TNRC6B: variants seen among roughly 807,000 people sequenced by gnomAD.
The protein encoded by TNRC6B is trinucleotide repeat containing adaptor 6B.
A neutral mutation model predicts 203.6 loss-of-function variants in TNRC6B; 52 were observed. The ratio of observed to expected loss-of-function variants is 0.26; its 90% CI spans 0.20 to 0.32. The LOEUF (loss-of-function observed/expected upper bound fraction) is 0.32, where lower values mean the gene tolerates loss of function less well. TNRC6B is among the 10% of genes least tolerant of loss of function. The pLI is 1.00. For synonymous variants in TNRC6B, 838 were observed against 845.7 expected (o/e 0.99, Z 0.16); for missense variants, 1,923 against 2,286.2 (o/e 0.84, Z 3.24).
chr22:40,320,484 C>A (rs4470425), intron 21 of TNRC6B, among the ~76,000 whole-genome samples: 42,906 of 151,998 alleles, frequency 0.28, 6,954 homozygotes, highest in South Asian at 0.44. Context: ...TGTCTCAAAA[C>A]TAAATAAGTA....
intron 12 of TNRC6B, 111 bp from the exon 13 acceptor site, chr22:40,300,344 T>G (rs1324811063): frequency 2.8e-6 from 3 of 1,063,676 alleles, no homozygotes; most frequent in Non-Finnish European, 1.3e-6. Context: ...CAGAAAAGTT[T>G]GACAACTCTT....
chr22:40,212,536 A>G (rs2069578964), intron 1 of TNRC6B, among the ~76,000 whole-genome samples: 2 of 152,094 alleles, frequency 1.3e-5, no homozygotes, highest in African/African-American at 2.4e-5. Context: ...TAAGGTTGTG[A>G]TCTCTTGTGT....
intron 9 of TNRC6B, 133 bp downstream of exon 9, chr22:40,278,177 C>A: frequency 1.4e-6 from 1 of 698,930 alleles, no homozygotes; most frequent in Non-Finnish European, 2.5e-6. Flanking sequence ...TTGTAAGGTA[C>A]TGTGCTAGAC....
At chr22:40,091,283 C>T (rs1446740720) in intron 1 of TNRC6B, among the ~76,000 whole-genome samples, 2 of 152,122 alleles carry the variant, frequency 1.3e-5, no homozygotes, top group Admixed American at 1.3e-4. Context: ...TTGGATACCA[C>T]TTGCTAACAC....
intron 1 of TNRC6B, among the ~76,000 whole-genome samples, chr22:40,230,603 G>A (rs2069856511): frequency 6.6e-6 from 1 of 151,912 alleles, no homozygotes; most frequent in South Asian, 2.1e-4. Flanking sequence ...CTTTTGCCCG[G>A]TTTTAAGATG....
chr22:40,300,808 T>C (rs985191874), intron 13 of TNRC6B, 102 bp from the exon 14 acceptor site: 9 of 1,277,632 alleles, frequency 7.0e-6, no homozygotes, highest in African/African-American at 4.5e-5. Context: ...CTGGATACTT[T>C]TGATTGTGTG....
intron 12 of TNRC6B, among the ~76,000 whole-genome samples, chr22:40,299,674 C>G (rs1210881546): frequency 5.3e-5 from 8 of 152,230 alleles, no homozygotes; most frequent in African/African-American, 1.9e-4. Context: ...CTGTGCCCAG[C>G]CTCTAGGACT....
intron 1 of TNRC6B, among the ~76,000 whole-genome samples, chr22:40,068,538 G>A (rs2067917436): frequency 6.6e-6 from 1 of 151,672 alleles, no homozygotes; most frequent in African/African-American, 2.4e-5. Flanking sequence ...GGCTGGTCTC[G>A]AACTCCTAGC....
rs762064998 is a variant in TNRC6B at position 40,301,313 on chromosome 22, CAAT to C, written c.4102_4104del (p.Ile1368del). 177 of 1,606,442 alleles carry C rather than the reference CAAT, an allele frequency of 1.1e-4. No homozygotes were observed. Among genetic ancestry groups the C allele is most frequent in the Non-Finnish European group, 1.5e-4 (175 of 1,176,108 alleles). ...CTCCCAGACCTTCAAACCAAAGGGCCAATACCTGGATATGGTTCTGGTAAGTTG... is the reference window on the plus strand; with the variant it reads ...CTCCCAGACCTTCAAACCAAAGGGCCACCTGGATATGGTTCTGGTAAGTTG... On this transcript the variant is annotated inframe_deletion, in exon 15 of 23. Transcript: ENST00000454349.
chr22:40,231,234 C>T (rs2069865239), intron 1 of TNRC6B, among the ~76,000 whole-genome samples: 1 of 152,108 alleles, frequency 6.6e-6, no homozygotes, highest in Admixed American at 6.5e-5. Context: ...ATTCTGAATC[C>T]TTTGCTTTTC....
Position 40,301,324 on chromosome 22 carries a change from T to G in TNRC6B, c.4111T>G (p.Tyr1371Asp). The change falls in exon 15 of 23, where the codon TAT becomes GAT. Residue 1371 changes from tyrosine (Y) to aspartate (D), a missense_variant. By Grantham distance (160) the Tyr-to-Asp change is radical (BLOSUM62 -3). Coordinates refer to ENST00000454349, the MANE Select transcript of TNRC6B (RefSeq NM_001162501.2). ...DLQTKGPIPG[Y>D]GSGFSSGGMD... ...TCAAACCAAAGGGCCAATACCTGGATATGGTTCTGGTAAGTTGTTGGTAGA... is the reference window on the plus strand; with the variant it reads ...TCAAACCAAAGGGCCAATACCTGGAGATGGTTCTGGTAAGTTGTTGGTAGA... The G allele has an allele frequency of 6.2e-7, 1 of 1,606,594 alleles. No homozygotes were observed. The highest frequency in any genetic ancestry group is 8.5e-7 in the Non-Finnish European group (1 of 1,176,100).
intron 1 of TNRC6B, among the ~76,000 whole-genome samples, chr22:40,229,167 A>C (rs2069833157): frequency 6.6e-6 from 1 of 152,244 alleles, no homozygotes; most frequent in Admixed American, 6.5e-5. Flanking sequence ...GGAGAATTAA[A>C]ACAATGAGAT....
At chr22:40,311,740 G>A (rs759274625) in intron 17 of TNRC6B, among the ~76,000 whole-genome samples, 3 of 151,890 alleles carry the variant, frequency 2.0e-5, no homozygotes, top group Non-Finnish European at 2.9e-5. Context: ...ACAGGGTTTC[G>A]CCATGTTGGA....
chr22:40,294,678 G>A (rs2070915423), intron 12 of TNRC6B, among the ~76,000 whole-genome samples: 1 of 152,170 alleles, frequency 6.6e-6, no homozygotes, highest in Admixed American at 6.5e-5. Flanking sequence ...ATCCGGTTTG[G>A]AACATGGTTT....
chr22:40,321,247 C>T lies in TNRC6B; in HGVS notation c.5114+18C>T, dbSNP rs745798660. 1.2e-6 allele frequency: 2 copies of T among 1,612,082 alleles called. No homozygotes were observed. The highest frequency in any genetic ancestry group is 1.7e-5 in the Admixed American group (1 of 59,926). ...CTGCACATGTGAGTATTCGGTCCTA[C>T]ACCCACGTAGACAAACATGCATGAA... On this transcript the variant is annotated intron_variant, in intron 22 of 22. Transcript: ENST00000454349.
chr22:40,238,631 C>T (rs913386289), intron 1 of TNRC6B, among the ~76,000 whole-genome samples: 2 of 152,084 alleles, frequency 1.3e-5, no homozygotes, highest in African/African-American at 2.4e-5. Flanking sequence ...ACCCACATGG[C>T]CCCATCCCTC....
chr22:40,132,962 A>AT (rs1568993002), intron 3 of TNRC6B, among the ~76,000 whole-genome samples: 2 of 118,878 alleles, frequency 1.7e-5, no homozygotes, highest in African/African-American at 3.1e-5. Context: ...AAAAAAAAAA[A>AT]AAAAAAAATA....
intron 4 of TNRC6B, among the ~76,000 whole-genome samples, chr22:40,162,061 G>A (rs1165106460): frequency 6.6e-6 from 1 of 152,008 alleles, no homozygotes; most frequent in African/African-American, 2.4e-5. Context: ...AAAGGTTTGT[G>A]GGAAGATCAC....
intron 4 of TNRC6B, among the ~76,000 whole-genome samples, chr22:40,169,139 T>TC (rs1001541692): frequency 2.0e-5 from 3 of 149,216 alleles, no homozygotes; most frequent in Non-Finnish European, 4.5e-5. Flanking sequence ...TCTTTTTTTT[T>TC]TTTTTTTTTT....
Sources: gnomAD v4.1 joint callset for allele counts (sites outside exome capture counted in the v4.1 genomes callset) on GRCh38, gnomAD v4.1.1 for gene constraint, MANE v1.5 for transcripts, NCBI Gene and HGNC (gene_info 2026-07-23, HGNC 2026-07-21) for gene names.